NFASC: variants seen among roughly 807,000 people sequenced by gnomAD.
The protein encoded by NFASC is neurofascin homolog.
In NFASC, 43 loss-of-function variants were observed where a neutral mutation model predicts 147.5. That is an observed-to-expected ratio of 0.29 (90% confidence interval 0.23 to 0.38). The LOEUF (loss-of-function observed/expected upper bound fraction) is 0.38, where lower values mean the gene tolerates loss of function less well. Ranked by LOEUF, NFASC falls within the 10% of genes least tolerant of loss-of-function variation. The pLI is 1.00. For synonymous variants in NFASC, 622 were observed against 665.5 expected (o/e 0.93, Z 1.01); for missense variants, 1,320 against 1,689.0 (o/e 0.78, Z 3.83).
At chr1:204,835,508 C>T (rs746108955) in intron 1 of NFASC, among the ~76,000 whole-genome samples, 6 of 152,056 alleles carry the variant, frequency 3.9e-5, no homozygotes, top group African/African-American at 1.2e-4. Flanking sequence ...GGATTACAGG[C>T]GTGAGCCACT....
intron 1 of NFASC, among the ~76,000 whole-genome samples, chr1:204,831,579 C>T (rs1392401393): frequency 6.6e-6 from 1 of 151,964 alleles, no homozygotes; most frequent in Non-Finnish European, 1.5e-5. Flanking sequence ...CAGAGGCACC[C>T]TGAGATCTTC....
chr1:204,930,376 C>T (rs1219594835), intron 2 of NFASC, among the ~76,000 whole-genome samples: 1 of 152,160 alleles, frequency 6.6e-6, no homozygotes, highest in Non-Finnish European at 1.5e-5. Flanking sequence ...GTTGTTATTA[C>T]TCAGGCTTAT....
At chr1:204,833,505 T>TTA (rs1261194567) in intron 1 of NFASC, among the ~76,000 whole-genome samples, 4 of 151,666 alleles carry the variant, frequency 2.6e-5, no homozygotes, top group South Asian at 4.2e-4. Context: ...CTAGGATGTT[T>TTA]TATCCACATG....
intron 29 of NFASC, among the ~76,000 whole-genome samples, chr1:205,013,622 G>T (rs2096291801): frequency 6.6e-6 from 1 of 152,164 alleles, no homozygotes; most frequent in Non-Finnish European, 1.5e-5. Flanking sequence ...TTGTATGTGG[G>T]CTTAACAACA....
intron 11 of NFASC, 115 bp from the exon 12 acceptor site, chr1:204,973,161 A>G (rs2095308195): frequency 1.8e-6 from 2 of 1,098,154 alleles, no homozygotes; most frequent in Non-Finnish European, 2.7e-6. Flanking sequence ...CTGGCCCCCC[A>G]TCTGGTGCTC....
intron 3 of NFASC, chr1:204,948,559 C>T: frequency 3.9e-6 from 2 of 518,198 alleles, no homozygotes; most frequent in Admixed American, 3.9e-5. Context: ...GCTCACCTCT[C>T]TGGCCAAGGA....
intron 2 of NFASC, among the ~76,000 whole-genome samples, chr1:204,940,695 C>G (rs952441697): frequency 5.9e-5 from 9 of 152,216 alleles, no homozygotes; most frequent in African/African-American, 2.2e-4. Context: ...TCTATGGGAT[C>G]ATTCCCTGTG....
intron 1 of NFASC, among the ~76,000 whole-genome samples, chr1:204,901,131 CTG>C (rs1448078119): frequency 6.6e-6 from 1 of 152,010 alleles, no homozygotes; most frequent in African/African-American, 2.4e-5. Flanking sequence ...CGGGGAGGAG[CTG>C]TGTTTTAGTT....
intron 2 of NFASC, among the ~76,000 whole-genome samples, chr1:204,930,021 G>T (rs1246610389): frequency 6.6e-6 from 1 of 152,194 alleles, no homozygotes; most frequent in Non-Finnish European, 1.5e-5. Flanking sequence ...GGCGGACGGT[G>T]GCCCTCAGTC....
intron 1 of NFASC, among the ~76,000 whole-genome samples, chr1:204,901,064 T>C (rs1490635115): frequency 6.6e-6 from 1 of 152,130 alleles, no homozygotes; most frequent in Non-Finnish European, 1.5e-5. Flanking sequence ...AAGAGCACTC[T>C]TGAGGTCTGT....
chr1:204,965,083 G>A (rs1185520776), intron 8 of NFASC, among the ~76,000 whole-genome samples: 1 of 152,170 alleles, frequency 6.6e-6, no homozygotes. Context: ...GAGCTGGCGA[G>A]GGAAGCTCTT....
At chr1:204,970,416 A>G (rs2095194672) in intron 10 of NFASC, among the ~76,000 whole-genome samples, 200 bp from the exon 11 acceptor site, 1 of 152,208 alleles carries the variant, frequency 6.6e-6, no homozygotes, top group African/African-American at 2.4e-5. Flanking sequence ...CTCAAAATAG[A>G]CAGATCAGCA....
At chr1:204,984,345 GTA>G (rs1553306456) in intron 21 of NFASC, 200 of 227,084 alleles carry the variant, frequency 8.8e-4, no homozygotes, top group Middle Eastern at 2.5e-3. Flanking sequence ...GTGTGTGTGT[GTA>G]TATATATATA....
At chr1:204,877,541 A>T (rs1168176283) in intron 1 of NFASC, among the ~76,000 whole-genome samples, 2 of 152,162 alleles carry the variant, frequency 1.3e-5, no homozygotes, top group Non-Finnish European at 2.9e-5. Flanking sequence ...GGTGGGAGGT[A>T]TAATGAGGTA....
chr1:204,860,841 T>C (rs1046347964), intron 1 of NFASC, among the ~76,000 whole-genome samples: 1 of 152,188 alleles, frequency 6.6e-6, no homozygotes, highest in Non-Finnish European at 1.5e-5. Flanking sequence ...ATATAATATA[T>C]GGCCTTTTGT....
At chr1:205,003,672 A>G (rs531661338) in intron 27 of NFASC, among the ~76,000 whole-genome samples, 4 of 152,338 alleles carry the variant, frequency 2.6e-5, no homozygotes, top group South Asian at 2.1e-4. Context: ...GATGCAGGTC[A>G]TTAGATACAC....
chr1:204,959,817 T>G (rs2094583277), intron 8 of NFASC, among the ~76,000 whole-genome samples: 1 of 152,248 alleles, frequency 6.6e-6, no homozygotes, highest in Non-Finnish European at 1.5e-5. Context: ...TTAAACAACA[T>G]GTAGAACTTG....
At chr1:204,858,936 C>T (rs1483207276) in intron 1 of NFASC, among the ~76,000 whole-genome samples, 1 of 152,080 alleles carries the variant, frequency 6.6e-6, no homozygotes, top group East Asian at 1.9e-4. Context: ...GCCGGTTTTA[C>T]CACCCGTCTC....
chr1:204,859,995 C>A (rs2076519628), intron 1 of NFASC, among the ~76,000 whole-genome samples: 1 of 152,074 alleles, frequency 6.6e-6, no homozygotes, highest in African/African-American at 2.4e-5. Context: ...TGTGAGCATC[C>A]TTGGGGATCA....
Sources: gnomAD v4.1 joint callset for allele counts (sites outside exome capture counted in the v4.1 genomes callset) on GRCh38, gnomAD v4.1.1 for gene constraint, MANE v1.5 for transcripts, NCBI Gene and HGNC (gene_info 2026-07-23, HGNC 2026-07-21) for gene names.